GAPVD1: variants seen among roughly 807,000 people sequenced by gnomAD.
GAPVD1 encodes GTPase activating protein and VPS9 domains 1, also known as GTPase-activating protein and VPS9 domain-containing protein 1.
A neutral mutation model predicts 155.5 loss-of-function variants in GAPVD1; 35 were observed. The observed-to-expected ratio is 0.23, with a 90% CI of 0.17 to 0.30. GAPVD1 has a LOEUF of 0.30. Among genes scored for constraint, GAPVD1 ranks in the 10% least tolerant of loss-of-function variants. GAPVD1 has a pLI of 1.00. For missense variants in GAPVD1, 1,429 were observed against 1,775.7 expected (o/e 0.80, Z 3.51); for synonymous variants, 636 against 619.7 (o/e 1.03, Z -0.39).
chr9:125,339,231 C>A (rs1422934648), intron 17 of GAPVD1, among the ~76,000 whole-genome samples: 1 of 152,108 alleles, frequency 6.6e-6, no homozygotes, highest in African/African-American at 2.4e-5. Flanking sequence ...CTCAAACAGT[C>A]CTCCCACCCC....
At chr9:125,286,394 TTGGCTTCCC>T (rs1470818376) in intron 2 of GAPVD1, among the ~76,000 whole-genome samples, 1 of 152,156 alleles carries the variant, frequency 6.6e-6, no homozygotes, top group African/African-American at 2.4e-5. Flanking sequence ...TCTGCCTGCC[TTGGCTTCCC>T]AAAGTGCTGG....
intron 1 of GAPVD1, among the ~76,000 whole-genome samples, chr9:125,268,203 C>CA (rs1263498539): frequency 2.0e-5 from 3 of 147,490 alleles, no homozygotes; most frequent in African/African-American, 5.0e-5. Context: ...AACCCCCCCC[C>CA]CCAAAAAAAA....
At position 125,307,871 on chromosome 9, in the gene GAPVD1, T is replaced by C. The variant is rs549857793; in HGVS notation, c.1432T>C (p.Leu478=). 7 of 1,602,112 alleles carry C rather than the reference T, an allele frequency of 4.4e-6. No homozygotes were observed. In the South Asian group the frequency reaches 6.6e-5, roughly 15 times the overall value. ...CACTCCAGCAAATAAAAAGAATCGA[T>C]TACCTATAGGTAAAGAGAATTTCTC... ...ATTPANKKNR[L]PIATRSRSRT... is the part of the protein sequence containing the mutation. The change falls in exon 8 of 28, where the codon TTA becomes CTA. Residue 478 remains leucine (L), a synonymous_variant. Transcript: ENST00000297933.
chr9:125,348,714 G>A (rs1848881781), intron 20 of GAPVD1, among the ~76,000 whole-genome samples: 1 of 152,156 alleles, frequency 6.6e-6, no homozygotes, highest in African/African-American at 2.4e-5. Context: ...GTTTCACCAT[G>A]TTTTTCAGGC....
intron 2 of GAPVD1, among the ~76,000 whole-genome samples, chr9:125,272,134 C>G (rs1296955508): frequency 6.6e-6 from 1 of 152,064 alleles, no homozygotes; most frequent in Non-Finnish European, 1.5e-5. Flanking sequence ...AGCGATTCTC[C>G]TGCCTCAGCC....
At chr9:125,361,618 T>C (rs962756240) in intron 27 of GAPVD1, among the ~76,000 whole-genome samples, 2 of 152,200 alleles carry the variant, frequency 1.3e-5, no homozygotes, top group Admixed American at 6.5e-5. Context: ...TATTATACTT[T>C]TACCATCTTC....
chr9:125,326,805 C>A (rs538115751), intron 12 of GAPVD1, among the ~76,000 whole-genome samples: 67 of 151,454 alleles, frequency 4.4e-4, no homozygotes, highest in Admixed American at 1.1e-3. Flanking sequence ...CCACCCCTTA[C>A]CCATCCTCCT....
At chr9:125,292,822 A>T (rs1744931136) in intron 2 of GAPVD1, among the ~76,000 whole-genome samples, 1 of 152,208 alleles carries the variant, frequency 6.6e-6, no homozygotes, top group African/African-American at 2.4e-5. Context: ...ATGGAGTATT[A>T]ATTAAGGGGA....
chr9:125,343,785 A>G (rs1365233142), intron 19 of GAPVD1, among the ~76,000 whole-genome samples: 1 of 152,074 alleles, frequency 6.6e-6, no homozygotes. Flanking sequence ...CTGGAAAGAC[A>G]TTGTCCTTTT....
At position 125,348,028 on chromosome 9, in the gene GAPVD1, T is replaced by G. The variant is rs79565075; in HGVS notation, c.3169+1087T>G. 4.9e-4 allele frequency among the ~76,000 whole-genome samples: 74 copies of G among 151,954 alleles called. 1 individual carries two copies. Among genetic ancestry groups the G allele is most frequent in the African/African-American group, 1.4e-3 (56 of 41,444 alleles). ...TTCCGCCATATATAGAGAGTGTGTG[T>G]GTGTGTATATATATATGTTTTGTTT... On this transcript the variant is annotated intron_variant, in intron 20 of 27. Transcript: ENST00000297933.
At chr9:125,340,055 C>A (rs1384963843) in intron 17 of GAPVD1, among the ~76,000 whole-genome samples, 1 of 152,214 alleles carries the variant, frequency 6.6e-6, no homozygotes, top group Non-Finnish European at 1.5e-5. Flanking sequence ...GAGTCTCACT[C>A]TGTCGCCCAG....
intron 13 of GAPVD1, among the ~76,000 whole-genome samples, chr9:125,330,608 T>C (rs1845935965): frequency 6.6e-6 from 1 of 152,224 alleles, no homozygotes; most frequent in African/African-American, 2.4e-5. Context: ...TGAGCCATCA[T>C]GCCCAGCCAG....
At chr9:125,306,991 C>T (rs753964761) in intron 6 of GAPVD1, among the ~76,000 whole-genome samples, 15 of 151,664 alleles carry the variant, frequency 9.9e-5, no homozygotes, top group Non-Finnish European at 5.9e-5. Flanking sequence ...TTAGGTCAGG[C>T]GGGGTGGCTC....
chr9:125,359,272 G>C (rs1850575834), intron 25 of GAPVD1, 148 bp from the exon 26 acceptor site: 4 of 639,620 alleles, frequency 6.3e-6, no homozygotes, highest in Admixed American at 5.0e-5. Context: ...ACTTATCTAA[G>C]AGGCTCAACT....
At chr9:125,276,660 G>A (rs1835842972) in intron 2 of GAPVD1, among the ~76,000 whole-genome samples, 1 of 152,210 alleles carries the variant, frequency 6.6e-6, no homozygotes, top group Admixed American at 6.5e-5. Flanking sequence ...TTGCACTCTA[G>A]CCTGGAGAAC....
At chr9:125,357,326 C>T (rs186032281) in intron 25 of GAPVD1, among the ~76,000 whole-genome samples, 50 of 152,282 alleles carry the variant, frequency 3.3e-4, no homozygotes, top group Admixed American at 2.1e-3. Flanking sequence ...CACTTGTAAT[C>T]GCAGCACTTT....
chr9:125,282,465 G>A (rs776243389), intron 2 of GAPVD1, among the ~76,000 whole-genome samples: 3 of 152,090 alleles, frequency 2.0e-5, no homozygotes, highest in Non-Finnish European at 2.9e-5. Context: ...TTTACTTTTA[G>A]TTAAGTCTTT....
intron 2 of GAPVD1, among the ~76,000 whole-genome samples, chr9:125,276,915 C>T (rs557365636): frequency 2.0e-5 from 3 of 152,082 alleles, no homozygotes; most frequent in South Asian, 2.1e-4. Flanking sequence ...CATGCCACCA[C>T]GCCTAGCTAA....
At position 125,332,565 on chromosome 9, in the gene GAPVD1, G is replaced by T; in HGVS notation, c.2364G>T (p.Glu788Asp). 6.2e-7 allele frequency: 1 copy of T among 1,604,428 alleles called. No individual in the cohort carries two copies. Among genetic ancestry groups the T allele is most frequent in the Non-Finnish European group, 8.5e-7 (1 of 1,171,870 alleles). Reference sequence around the variant, plus strand: ...ATAAGATTGAAGACCTGAGATCTGAGTGCAGCTCTGATTTTGGGGGTAAAG... The same window carrying T: ...ATAAGATTGAAGACCTGAGATCTGATTGCAGCTCTGATTTTGGGGGTAAAG... Reference protein sequence around the residue: ...IPNKIEDLRSECSSDFGGKDS... With the variant: ...IPNKIEDLRSDCSSDFGGKDS... Residue 788 changes from glutamate to aspartate, a missense_variant, in exon 15 of 28, where the codon GAG becomes GAT. Physicochemically the swap from Glu to Asp is conservative, Grantham distance 45 (BLOSUM62 2). This residue lies in a region of GAPVD1 where 699 missense variants were observed against 826.0 expected (regional missense o/e 0.85). Coordinates refer to ENST00000297933, the MANE Select transcript of GAPVD1 (RefSeq NM_001282680.3).
Sources: allele counts gnomAD v4.1 joint callset (sites outside exome capture counted in the v4.1 genomes callset), GRCh38; gene constraint gnomAD v4.1.1; regional missense constraint gnomAD v4.1.1; transcripts MANE v1.5; gene names NCBI Gene and HGNC (gene_info 2026-07-23, HGNC 2026-07-21).